The following PRUNE2 variants were observed in gnomAD, a reference collection of about 807,000 sequenced individuals.
PRUNE2 encodes prune homolog 2 with BCH domain.
Under a neutral mutation model 252.0 loss-of-function variants are expected in PRUNE2, and 164 were observed. The ratio of observed to expected loss-of-function variants is 0.65; its 90% confidence interval spans 0.57 to 0.74. The LOEUF (loss-of-function observed/expected upper bound fraction) is 0.74, where lower values mean the gene tolerates loss of function less well. Among genes scored for constraint, PRUNE2 ranks in the 30% least tolerant of loss-of-function variants. PRUNE2 has a pLI of 0.00. For missense variants in PRUNE2, 3,495 were observed against 3,711.0 expected (o/e 0.94, Z 1.51); for synonymous variants, 1,292 against 1,350.2 (o/e 0.96, Z 0.94).
intron 6 of PRUNE2, among the ~76,000 whole-genome samples, chr9:76,806,135 G>A (rs746747001): frequency 1.3e-5 from 2 of 152,140 alleles, no homozygotes; most frequent in Non-Finnish European, 2.9e-5. Context: ...AGCATCACCA[G>A]AGAACTTACT....
chr9:76,641,514 G>T (rs540695597), intron 12 of PRUNE2, among the ~76,000 whole-genome samples: 74 of 152,260 alleles, frequency 4.9e-4, no homozygotes, highest in African/African-American at 1.7e-3. Context: ...TAACTAGAAT[G>T]CATAGGATCA....
intron 1 of PRUNE2, among the ~76,000 whole-genome samples, chr9:76,894,059 A>G (rs7862705): frequency 0.23 from 34,740 of 152,164 alleles, 5,586 homozygotes; most frequent in African/African-American, 0.46. Context: ...ACATTTCTTA[A>G]GACCATGCTT....
In PRUNE2 at chr9:76,620,140, A is replaced by AT. The variant is rs59150159; in HGVS notation, c.9189-754dup. Among the ~76,000 whole-genome samples the AT allele has an allele frequency of 7.5e-3, 958 of 127,138 alleles. 12 individuals are homozygous for AT. The highest frequency in any genetic ancestry group is 0.021 in the African/African-American group (729 of 34,522). The allele number at this position is 127,138 out of a possible 152,430, so 83.4% of individuals were successfully genotyped here. On this transcript the variant is annotated intron_variant, in intron 17 of 18. Transcript: ENST00000376718. ...CCTCAACTTTTATACCCCTCCCATA[A>AT]TTTTTTTTTTTTTTTTTGAGACAGA... is the stretch of plus-strand genomic sequence containing the variant.
intron 6 of PRUNE2, among the ~76,000 whole-genome samples, chr9:76,732,928 T>C (rs527828121): frequency 1.3e-5 from 2 of 152,328 alleles, no homozygotes; most frequent in East Asian, 3.9e-4. Flanking sequence ...CCGATTTCTC[T>C]TGGCAAGAGG....
chr9:76,837,868 T>C (rs1034119521), intron 4 of PRUNE2, among the ~76,000 whole-genome samples: 7 of 151,006 alleles, frequency 4.6e-5, no homozygotes, highest in Non-Finnish European at 4.4e-5. Flanking sequence ...GCCTCCTGGG[T>C]TCACGCCATT....
At chr9:76,738,450 G>T (rs1292630135) in intron 6 of PRUNE2, 2 of 152,192 alleles carry the variant, frequency 1.3e-5, no homozygotes, top group East Asian at 3.8e-4. Flanking sequence ...GTGGGAACAA[G>T]CTCGTCTTCA....
intron 4 of PRUNE2, among the ~76,000 whole-genome samples, chr9:76,834,763 T>C (rs543723255): frequency 6.6e-6 from 1 of 152,236 alleles, no homozygotes; most frequent in Non-Finnish European, 1.5e-5. Context: ...CTGAGCTATT[T>C]TGACTGCACA....
chr9:76,794,620 A>C (rs1263982842), intron 6 of PRUNE2, among the ~76,000 whole-genome samples: 1 of 144,154 alleles, frequency 6.9e-6, no homozygotes, highest in Non-Finnish European at 1.5e-5. Context: ...TCTCAAAAAA[A>C]AAAAAAAAAA....
At chr9:76,836,763 A>G (rs983904416) in intron 4 of PRUNE2, among the ~76,000 whole-genome samples, 2 of 152,178 alleles carry the variant, frequency 1.3e-5, no homozygotes, top group African/African-American at 4.8e-5. Flanking sequence ...GCCTGAACAC[A>G]TTTTGGTCAT....
chr9:76,841,847 G>C (rs2059408824), intron 4 of PRUNE2, among the ~76,000 whole-genome samples: 1 of 152,146 alleles, frequency 6.6e-6, no homozygotes, highest in African/African-American at 2.4e-5. Context: ...GAGCACTTGG[G>C]GGAAGGGGCG....
rs1287935730 is a variant in PRUNE2, at chr9:76,707,555, T to C, written c.4719A>G (p.Gln1573=). Residue 1573 remains glutamine (Q), a synonymous_variant, in exon 8 of 19, where the codon CAA becomes CAG. Transcript: ENST00000376718. ...QPSSGYQEEN[Q]GNWSEQNHQE... ...GGTGATTCTGTTCACTCCAGTTGCC[T>C]TGGTTTTCTTCTTGATACCCAGAAC... 1.7e-5 allele frequency: 27 copies of C among 1,613,984 alleles called. No individual in the cohort carries two copies. Among genetic ancestry groups the C allele is most frequent in the Non-Finnish European group, 2.2e-5 (26 of 1,179,886 alleles).
chr9:76,690,471 C>T (rs2044591954), intron 9 of PRUNE2, among the ~76,000 whole-genome samples: 1 of 152,312 alleles, frequency 6.6e-6, no homozygotes, highest in East Asian at 1.9e-4. Context: ...GCAAACCCTG[C>T]ACCTTGTCCT....
At chr9:76,833,531 T>A (rs2058778604) in intron 4 of PRUNE2, among the ~76,000 whole-genome samples, 1 of 152,046 alleles carries the variant, frequency 6.6e-6, no homozygotes, top group South Asian at 2.1e-4. Flanking sequence ...TTTGGGAGGC[T>A]GAGGTGGGCG....
chr9:76,714,858 C>T (rs1312146813), intron 6 of PRUNE2, among the ~76,000 whole-genome samples: 1 of 152,172 alleles, frequency 6.6e-6, no homozygotes, highest in Non-Finnish European at 1.5e-5. Context: ...GAGACAGGTA[C>T]ACAAAATCAA....
intron 6 of PRUNE2, among the ~76,000 whole-genome samples, chr9:76,742,003 T>A (rs1343228406): frequency 6.6e-6 from 1 of 152,176 alleles, no homozygotes; most frequent in Admixed American, 6.5e-5. Flanking sequence ...GGTATACATC[T>A]GAAGAAAGAA....
intron 9 of PRUNE2, among the ~76,000 whole-genome samples, chr9:76,694,375 G>C (rs111846322): frequency 0.012 from 1,758 of 152,158 alleles, 30 homozygotes; most frequent in East Asian, 0.08. Context: ...TAGAGACAGG[G>C]TTTCACCATA....
intron 1 of PRUNE2, chr9:76,856,615 G>C (rs2060262421): frequency 6.5e-6 from 1 of 153,928 alleles, no homozygotes; most frequent in South Asian, 2.0e-4. Flanking sequence ...TACATGGATT[G>C]AATGTAAATG....
At chr9:76,814,157 GT>G in intron 6 of PRUNE2, among the ~76,000 whole-genome samples, 1 of 152,254 alleles carries the variant, frequency 6.6e-6, no homozygotes, top group African/African-American at 2.4e-5. Flanking sequence ...GTAAGAGTGG[GT>G]TTTTTTGAGA....
At chr9:76,622,342 A>C (rs1163196614) in intron 17 of PRUNE2, among the ~76,000 whole-genome samples, 3 of 152,096 alleles carry the variant, frequency 2.0e-5, no homozygotes, top group Admixed American at 6.5e-5. Flanking sequence ...CTACAAAACT[A>C]CCCAAAAACA....
Sources: gnomAD v4.1 joint callset for allele counts (sites outside exome capture counted in the v4.1 genomes callset) on GRCh38, gnomAD v4.1.1 for gene constraint, MANE v1.5 for transcripts, NCBI Gene and HGNC (gene_info 2026-07-23, HGNC 2026-07-21) for gene names.